The following SPTLC1 variants were observed in gnomAD, a reference collection of about 807,000 sequenced individuals.
SPTLC1 encodes serine palmitoyltransferase long chain base subunit 1.
Under a neutral mutation model 68.9 loss-of-function variants are expected in SPTLC1, and 55 were observed. The observed-to-expected ratio is 0.80, with a 90% CI of 0.64 to 1.00. The LOEUF is 1.00. Ranked by LOEUF, SPTLC1 falls within the 50% of genes least tolerant of loss-of-function variation. SPTLC1 has a pLI of 0.00. For missense variants in SPTLC1, 449 were observed against 573.1 expected (o/e 0.78, Z 2.21); for synonymous variants, 197 against 201.6 (o/e 0.98, Z 0.19).
intron 3 of SPTLC1, among the ~76,000 whole-genome samples, chr9:92,082,719 T>C (rs1229193708): frequency 1.3e-5 from 2 of 152,094 alleles, no homozygotes; most frequent in East Asian, 1.9e-4. Flanking sequence ...TGTGTCTTTA[T>C]AGCAGCATGA....
At chr9:92,098,448 A>G (rs1048081540) in intron 3 of SPTLC1, among the ~76,000 whole-genome samples, 1 of 152,176 alleles carries the variant, frequency 6.6e-6, no homozygotes, top group African/African-American at 2.4e-5. Context: ...CTCGCCCCTC[A>G]GCCTTATTGA....
intron 5 of SPTLC1, among the ~76,000 whole-genome samples, chr9:92,070,692 T>C (rs1182299009): frequency 6.6e-6 from 1 of 152,150 alleles, no homozygotes; most frequent in African/African-American, 2.4e-5. Context: ...ATAGGGGGGA[T>C]AGTCCTACCT....
intron 3 of SPTLC1, among the ~76,000 whole-genome samples, chr9:92,088,261 C>T (rs939306500): frequency 2.6e-5 from 4 of 152,262 alleles, no homozygotes; most frequent in South Asian, 2.1e-4. Context: ...CACTGTCCTG[C>T]GCCCACTGTC....
intron 5 of SPTLC1, among the ~76,000 whole-genome samples, chr9:92,069,432 G>A (rs564893475): frequency 1.1e-4 from 17 of 152,184 alleles, no homozygotes; most frequent in African/African-American, 4.1e-4. Context: ...TTAAATAAAC[G>A]TAGGACTTTA....
chr9:92,033,533 C>T (rs964683817), intron 14 of SPTLC1, among the ~76,000 whole-genome samples: 1 of 152,150 alleles, frequency 6.6e-6, no homozygotes, highest in Admixed American at 6.5e-5. Context: ...GTCTTACTAA[C>T]AAGTAAACGT....
At chr9:92,094,018 A>C (rs1004972007) in intron 3 of SPTLC1, among the ~76,000 whole-genome samples, 6 of 152,354 alleles carry the variant, frequency 3.9e-5, no homozygotes, top group Admixed American at 3.9e-4. Context: ...CCAGGTATAA[A>C]GTGAATTCCA....
At chr9:92,080,138 C>G (rs1451255148) in intron 4 of SPTLC1, 50 bp from the exon 5 acceptor site, 2 of 1,456,346 alleles carry the variant, frequency 1.4e-6, no homozygotes, top group Non-Finnish European at 1.9e-6. Flanking sequence ...TTTAAGAGTT[C>G]AAAACAAACA....
chr9:92,073,754 G>T (rs1834579067), intron 5 of SPTLC1, among the ~76,000 whole-genome samples: 1 of 152,242 alleles, frequency 6.6e-6, no homozygotes, highest in Admixed American at 6.5e-5. Flanking sequence ...TAATAGGGAA[G>T]AGGCTGCCAG....
intron 5 of SPTLC1, among the ~76,000 whole-genome samples, chr9:92,068,484 T>C (rs1273262786): frequency 6.6e-6 from 1 of 152,210 alleles, no homozygotes; most frequent in African/African-American, 2.4e-5. Context: ...GTTTGCATTT[T>C]AGCAAAAAGA....
intron 13 of SPTLC1, among the ~76,000 whole-genome samples, chr9:92,037,268 A>G (rs1338642720): frequency 6.6e-6 from 1 of 152,232 alleles, no homozygotes; most frequent in African/African-American, 2.4e-5. Flanking sequence ...AAGGCACATG[A>G]CAGGTGGTAG....
At chr9:92,046,789 T>C (rs1381403586) in intron 11 of SPTLC1, among the ~76,000 whole-genome samples, 1 of 152,186 alleles carries the variant, frequency 6.6e-6, no homozygotes, top group Non-Finnish European at 1.5e-5. Context: ...ACAATATTTA[T>C]AAAATTGCAC....
intron 5 of SPTLC1, among the ~76,000 whole-genome samples, chr9:92,073,071 C>T (rs1834555287): frequency 6.6e-6 from 1 of 152,058 alleles, no homozygotes; most frequent in Non-Finnish European, 1.5e-5. Context: ...CTCTGGCTTA[C>T]AATTTGACCC....
At chr9:92,112,232 C>G (rs1328523985) in intron 2 of SPTLC1, among the ~76,000 whole-genome samples, 1 of 152,142 alleles carries the variant, frequency 6.6e-6, no homozygotes, top group African/African-American at 2.4e-5. Flanking sequence ...CTGTTTACTC[C>G]TAGCAAAGTA....
At chr9:92,079,898 TC>T (rs1834818419) in intron 5 of SPTLC1, 117 bp downstream of exon 5, 1 of 872,032 alleles carries the variant, frequency 1.1e-6, no homozygotes, top group Admixed American at 1.8e-5. Flanking sequence ...CAAGGAATCC[TC>T]CCACCTCAGC....
intron 14 of SPTLC1, 125 bp downstream of exon 14, chr9:92,034,683 CTA>C (rs1268295289): frequency 1.1e-5 from 9 of 804,874 alleles, no homozygotes. Context: ...AGGTAATGTA[CTA>C]TATTTTAATG....
At position 92,052,530 on chromosome 9, in the gene SPTLC1, TA is replaced by T. The variant is rs1479942290; in HGVS notation, c.781-2464del. On this transcript the variant is annotated intron_variant, in intron 8 of 14. Transcript: ENST00000262554. The stretch of plus-strand genomic sequence containing the variant: ...TTTTGGATTAAACAAAGATTATTAT[TA>T]TTATTTTTTTTTTTTTGAGACAGAG... Among the ~76,000 whole-genome samples the T allele has an allele frequency of 2.6e-5, 4 of 151,616 alleles. No homozygotes were observed. The South Asian group carries it at 6.2e-4, about 24-fold the overall frequency.
chr9:92,050,170 T>C lies in SPTLC1; in HGVS notation c.781-103A>G, dbSNP rs2118471806. 4 of 755,618 alleles carry C rather than the reference T, an allele frequency of 5.3e-6. No individual in the cohort carries two copies. The East Asian group carries it at 1.1e-4, about 20-fold the overall frequency. The allele number at this position is 755,618 out of a possible 1,614,324, so 46.8% of individuals were successfully genotyped here. A position where few individuals can be genotyped will look rare whatever the true frequency, so the allele number is the denominator to read the frequency against. On this transcript the variant is annotated intron_variant, in intron 8 of 14. Transcript: ENST00000262554. ...AAAAGTATGTACAGCTGACTCTCAATACTTGTGAATTCTATATGTGCAAAT... is the reference window on the plus strand; with the variant it reads ...AAAAGTATGTACAGCTGACTCTCAACACTTGTGAATTCTATATGTGCAAAT...
intron 1 of SPTLC1, among the ~76,000 whole-genome samples, chr9:92,113,473 C>A (rs1836317905): frequency 6.6e-6 from 1 of 152,182 alleles, no homozygotes; most frequent in Non-Finnish European, 1.5e-5. Flanking sequence ...CTTTTCCTTC[C>A]CAGGAAATGT....
chr9:92,035,373 C>T (rs532755610), intron 13 of SPTLC1, among the ~76,000 whole-genome samples: 1 of 152,318 alleles, frequency 6.6e-6, no homozygotes, highest in Non-Finnish European at 1.5e-5. Flanking sequence ...CCACATGTGG[C>T]ATCTGGGCAT....
Sources: allele counts gnomAD v4.1 joint callset (sites outside exome capture counted in the v4.1 genomes callset), GRCh38; gene constraint gnomAD v4.1.1; transcripts MANE v1.5; gene names NCBI Gene and HGNC (gene_info 2026-07-23, HGNC 2026-07-21).